Variants in LRRC4C observed in about 807,000 individuals in gnomAD.
LRRC4C encodes leucine rich repeat containing 4C, also known as leucine-rich repeat-containing protein 4C.
A neutral mutation model predicts 33.6 loss-of-function variants in LRRC4C; 5 were observed. The observed-to-expected ratio is 0.15, with a 90% confidence interval of 0.08 to 0.31. The LOEUF (loss-of-function observed/expected upper bound fraction) is 0.31. Ranked by LOEUF, LRRC4C falls within the 10% of genes least tolerant of loss-of-function variation. The pLI is 1.00. For synonymous variants in LRRC4C, 329 were observed against 302.0 expected, an observed-to-expected ratio of 1.09 and a Z score of -0.93; for missense variants, 560 against 796.7, an observed-to-expected ratio of 0.70 and a Z score of 3.58.
intron 3 of LRRC4C, among the ~76,000 whole-genome samples, chr11:40,500,637 C>G (rs1330939607): frequency 6.6e-6 from 1 of 152,064 alleles, no homozygotes; most frequent in African/African-American, 2.4e-5. Context: ...TTCAGTACCA[C>G]AGGTACAGTA....
intron 4 of LRRC4C, among the ~76,000 whole-genome samples, chr11:40,272,318 T>C (rs1942766686): frequency 4.6e-5 from 7 of 152,128 alleles, no homozygotes; most frequent in Admixed American, 4.6e-4. Flanking sequence ...AGCAATTAGG[T>C]AAAATGAATA....
Position 41,221,380 on chromosome 11 carries a change from T to G in LRRC4C, c.-496+238051A>C, listed in dbSNP as rs138471917. Among the ~76,000 whole-genome samples, 962 of 152,016 alleles carry G rather than the reference T, an allele frequency of 6.3e-3. 12 individuals carry two copies. Among genetic ancestry groups the G allele is most frequent in the African/African-American group, 0.022 (894 of 41,450 alleles). Reference sequence around the variant, plus strand: ...CATTTAACACCAGTCAGAATGGCTATTATTACAAAGTCAAAAAATAGCAGA... The same window carrying G: ...CATTTAACACCAGTCAGAATGGCTAGTATTACAAAGTCAAAAAATAGCAGA... On this transcript the variant is annotated intron_variant, in intron 1 of 6. Coordinates refer to ENST00000528697, the MANE Select transcript of LRRC4C (RefSeq NM_001258419.2).
At chr11:41,234,493 G>A (rs1947936140) in intron 1 of LRRC4C, among the ~76,000 whole-genome samples, 1 of 151,804 alleles carries the variant, frequency 6.6e-6, no homozygotes, top group Non-Finnish European at 1.5e-5. Context: ...CTGAAATTTT[G>A]TATTCTTTGA....
At chr11:40,294,309 C>T (rs542852280) in intron 4 of LRRC4C, among the ~76,000 whole-genome samples, 14 of 152,128 alleles carry the variant, frequency 9.2e-5, no homozygotes, top group Non-Finnish European at 1.5e-4. Context: ...AAGCAACCCC[C>T]ACGCTGGGAG....
intron 1 of LRRC4C, among the ~76,000 whole-genome samples, chr11:41,101,835 C>T (rs1187362287): frequency 3.9e-5 from 6 of 152,088 alleles, no homozygotes; most frequent in Non-Finnish European, 7.4e-5. Context: ...TTTGCAGGAA[C>T]GTGGATGAAA....
chr11:40,392,154 G>C (rs1395773194), intron 3 of LRRC4C, among the ~76,000 whole-genome samples: 1 of 152,166 alleles, frequency 6.6e-6, no homozygotes, highest in East Asian at 1.9e-4. Context: ...GGAAAGGTAA[G>C]CAGGAGGGAT....
At chr11:41,377,602 C>A (rs1591383557) in intron 1 of LRRC4C, among the ~76,000 whole-genome samples, 1 of 152,086 alleles carries the variant, frequency 6.6e-6, no homozygotes, top group African/African-American at 2.4e-5. Context: ...TTTCACAAGA[C>A]AGAACTGAAT....
chr11:40,433,075 A>C (rs1950999297), intron 3 of LRRC4C, among the ~76,000 whole-genome samples: 1 of 152,200 alleles, frequency 6.6e-6, no homozygotes, highest in Admixed American at 6.5e-5. Flanking sequence ...ATCTCCAAAT[A>C]CACACACTTA....
chr11:41,140,545 C>T (rs1943457513), intron 1 of LRRC4C, among the ~76,000 whole-genome samples: 1 of 151,070 alleles, frequency 6.6e-6, no homozygotes, highest in Non-Finnish European at 1.5e-5. Flanking sequence ...TTCTCAACAA[C>T]CTCTAACAAA....
intron 2 of LRRC4C, among the ~76,000 whole-genome samples, chr11:40,685,608 T>C (rs373915248): frequency 6.6e-6 from 1 of 151,452 alleles, no homozygotes. Context: ...ACCTGGAAAA[T>C]AGAATTCGAG....
chr11:40,504,713 TTTTA>T (rs776568208), intron 3 of LRRC4C, among the ~76,000 whole-genome samples: 2 of 152,170 alleles, frequency 1.3e-5, no homozygotes, highest in Non-Finnish European at 2.9e-5. Flanking sequence ...TCATACAGTT[TTTTA>T]TTTGTTAACT....
intron 1 of LRRC4C, among the ~76,000 whole-genome samples, chr11:41,298,405 G>A (rs769467445): frequency 7.3e-5 from 11 of 151,636 alleles, no homozygotes; most frequent in African/African-American, 1.7e-4. Context: ...TCTGAACCCC[G>A]GAAAGTGAAC....
At chr11:40,773,857 T>C (rs1949866747) in intron 2 of LRRC4C, among the ~76,000 whole-genome samples, 1 of 152,106 alleles carries the variant, frequency 6.6e-6, no homozygotes, top group African/African-American at 2.4e-5. Context: ...CATAAATTTA[T>C]TCAATTAACA....
intron 2 of LRRC4C, among the ~76,000 whole-genome samples, chr11:40,785,898 A>C (rs1950391853): frequency 2.2e-5 from 3 of 134,462 alleles, no homozygotes; most frequent in Admixed American, 2.1e-4. Context: ...AACAGTAGAT[A>C]TTGTTGGAAA....
chr11:40,232,664 C>A (rs914963004), intron 5 of LRRC4C, among the ~76,000 whole-genome samples: 1 of 152,006 alleles, frequency 6.6e-6, no homozygotes, highest in South Asian at 2.1e-4. Context: ...AGAATGTGGC[C>A]AAGAACAAGT....
At chr11:40,698,743 G>A (rs1478908285) in intron 2 of LRRC4C, among the ~76,000 whole-genome samples, 3 of 152,100 alleles carry the variant, frequency 2.0e-5, no homozygotes, top group Admixed American at 6.6e-5. Flanking sequence ...CACGTGGCTG[G>A]GGAGGCCTCA....
intron 1 of LRRC4C, among the ~76,000 whole-genome samples, chr11:41,262,828 G>GAGGA (rs1949026811): frequency 6.6e-6 from 1 of 152,108 alleles, no homozygotes; most frequent in Non-Finnish European, 1.5e-5. Context: ...GTGGCTCTCA[G>GAGGA]AGGAACTCAA....
intron 3 of LRRC4C, among the ~76,000 whole-genome samples, chr11:40,320,484 C>T (rs547907292): frequency 7.9e-5 from 12 of 151,804 alleles, no homozygotes; most frequent in Admixed American, 6.6e-4. Flanking sequence ...CCAGCCTGGG[C>T]GACAGAGTGA....
intron 1 of LRRC4C, among the ~76,000 whole-genome samples, chr11:41,304,838 C>T (rs532255260): frequency 0.02 from 1,661 of 83,096 alleles, 182 homozygotes; most frequent in Non-Finnish European, 0.031. Flanking sequence ...GCCCCCCGCC[C>T]GGCCAGCCGC....
Sources: gnomAD v4.1 joint callset for allele counts (sites outside exome capture counted in the v4.1 genomes callset) on GRCh38, gnomAD v4.1.1 for gene constraint, MANE v1.5 for transcripts, NCBI Gene and HGNC (gene_info 2026-07-23, HGNC 2026-07-21) for gene names.